The following GOLGA4 variants were observed in gnomAD, a reference collection of about 807,000 sequenced individuals.
The protein encoded by GOLGA4 is golgin subfamily A member 4.
Under a neutral mutation model 265.9 loss-of-function variants are expected in GOLGA4, and 169 were observed. That is an observed-to-expected ratio of 0.64 (90% CI 0.56 to 0.72). GOLGA4 has a LOEUF of 0.72. Ranked by LOEUF, GOLGA4 falls within the 30% of genes least tolerant of loss-of-function variation. The pLI is 0.00. For missense variants in GOLGA4, 2,482 were observed against 2,483.4 expected (o/e 1.00, Z 0.01); for synonymous variants, 923 against 855.8 (o/e 1.08, Z -1.37).
chr3:37,258,069 GTA>G (rs201905438), intron 2 of GOLGA4, among the ~76,000 whole-genome samples: 1,345 of 48,102 alleles, frequency 0.028, 190 homozygotes, highest in Non-Finnish European at 0.04. Flanking sequence ...ATGTATATAT[GTA>G]TATATATATG....
At chr3:37,277,671 C>T (rs1182315150) in intron 2 of GOLGA4, among the ~76,000 whole-genome samples, 1 of 152,080 alleles carries the variant, frequency 6.6e-6, no homozygotes, top group Admixed American at 6.5e-5. Flanking sequence ...TAGCAAGTAG[C>T]TTTACAGTAC....
chr3:37,275,348 G>A (rs1649086082), intron 2 of GOLGA4, among the ~76,000 whole-genome samples: 1 of 151,990 alleles, frequency 6.6e-6, no homozygotes, highest in Admixed American at 6.6e-5. Flanking sequence ...GGCTGGTCAG[G>A]TTGTGGGAAC....
chr3:37,292,003 C>T (rs1345178824), intron 5 of GOLGA4, among the ~76,000 whole-genome samples: 4 of 152,076 alleles, frequency 2.6e-5, no homozygotes, highest in South Asian at 2.1e-4. Flanking sequence ...ACAAGCCTCA[C>T]TGGGCTAACA....
chr3:37,294,370 T>C (rs2150832498), intron 5 of GOLGA4, among the ~76,000 whole-genome samples: 1 of 150,136 alleles, frequency 6.7e-6, no homozygotes, highest in East Asian at 1.9e-4. Flanking sequence ...AGTTTTTCTT[T>C]TATCTTAAGT....
intron 2 of GOLGA4, among the ~76,000 whole-genome samples, chr3:37,261,661 AGAG>A (rs1264062251): frequency 6.6e-6 from 1 of 152,182 alleles, no homozygotes; most frequent in Non-Finnish European, 1.5e-5. Context: ...TGTTCTATAC[AGAG>A]GAGATTTTGT....
intron 21 of GOLGA4, among the ~76,000 whole-genome samples, chr3:37,348,623 G>T (rs1029229878): frequency 6.6e-6 from 1 of 152,094 alleles, no homozygotes; most frequent in Non-Finnish European, 1.5e-5. Context: ...ATTGTATTGG[G>T]GGTGGGGAGG....
At chr3:37,267,929 G>T (rs900512211) in intron 2 of GOLGA4, among the ~76,000 whole-genome samples, 1 of 152,168 alleles carries the variant, frequency 6.6e-6, no homozygotes, top group African/African-American at 2.4e-5. Context: ...CAGCTAGGGA[G>T]ATAATGGGAT....
At chr3:37,243,746 C>G in intron 1 of GOLGA4, 124 bp downstream of exon 1, 1 of 757,818 alleles carries the variant, frequency 1.3e-6, no homozygotes, top group Non-Finnish European at 2.2e-6. Flanking sequence ...GCACTTTTCC[C>G]AAACTCCGGA....
chr3:37,327,568 T>G lies in GOLGA4; in HGVS notation c.5682T>G (p.Asn1894Lys). 3 of 1,613,630 alleles carry G rather than the reference T, an allele frequency of 1.9e-6. No individual in the cohort carries two copies. The highest frequency in any genetic ancestry group is 2.5e-6 in the Non-Finnish European group (3 of 1,179,782). Residue 1894 changes from asparagine to lysine, a missense_variant, in exon 14 of 24, where the codon AAT becomes AAG. This residue lies in a region of GOLGA4 where 942 missense variants were observed against 983.1 expected (regional missense o/e 0.96). Transcript: ENST00000361924. ...CTTTACAACAGATGGATGGAAGAAA[T>G]AAACCCACAGAACTTTTGGAAGAAA... ...LQALQQMDGR[N>K]KPTELLEENT...
chr3:37,321,511 A>C, intron 12 of GOLGA4: 1 of 434,726 alleles, frequency 2.3e-6, no homozygotes. Context: ...TTATTGGAAC[A>C]AAATTTTTCA....
intron 17 of GOLGA4, 100 bp from the exon 18 acceptor site, chr3:37,337,043 C>T (rs1242537195): frequency 1.9e-5 from 15 of 777,038 alleles, no homozygotes; most frequent in Non-Finnish European, 3.0e-5. Context: ...AGACTCTTAA[C>T]CCTGACTTCC....
intron 23 of GOLGA4, among the ~76,000 whole-genome samples, chr3:37,363,388 G>A (rs1381517518): frequency 6.6e-6 from 1 of 152,086 alleles, no homozygotes; most frequent in Non-Finnish European, 1.5e-5. Flanking sequence ...TGTATATTGT[G>A]CAGCATTTCT....
At chr3:37,332,835 G>T (rs754995428) in intron 16 of GOLGA4, among the ~76,000 whole-genome samples, 1 of 151,598 alleles carries the variant, frequency 6.6e-6, no homozygotes, top group South Asian at 2.1e-4. Flanking sequence ...TTTCTATGTC[G>T]TTTTTTCACT....
Position 37,301,453 on chromosome 3 carries a change from A to G in GOLGA4, c.1087-732A>G, listed in dbSNP as rs1190627527. 4.6e-5 allele frequency among the ~76,000 whole-genome samples: 7 copies of G among 152,172 alleles called. 1 individual carries two copies. Among genetic ancestry groups the G allele is most frequent in the Non-Finnish European group, 1.0e-4 (7 of 68,034 alleles). Reference sequence around the variant, plus strand: ...TGGCAGCAGGCACCTTCCATTCTCAAGTGTCTGGGGTTATCCCCATGTTAT... The same window carrying G: ...TGGCAGCAGGCACCTTCCATTCTCAGGTGTCTGGGGTTATCCCCATGTTAT... On this transcript the variant is annotated intron_variant, in intron 9 of 23. Transcript: ENST00000361924.
At chr3:37,309,891 A>G (rs959089301) in intron 10 of GOLGA4, among the ~76,000 whole-genome samples, 4 of 152,376 alleles carry the variant, frequency 2.6e-5, no homozygotes, top group Non-Finnish European at 5.9e-5. Flanking sequence ...TTTGGACCAC[A>G]TATTGAGAAC....
In GOLGA4 at chr3:37,326,941, A is replaced by C; in HGVS notation, c.5055A>C (p.Glu1685Asp). Residue 1685 changes from glutamate to aspartate, a missense_variant, in exon 14 of 24, where the codon GAA becomes GAC. Glu to Asp is a conservative substitution (Grantham distance 45, BLOSUM62 2). Transcript: ENST00000361924. ...SELNTKLQER[E>D]REVHILEEKL... The stretch of plus-strand genomic sequence containing the variant: ...TAAATACAAAATTGCAGGAAAGAGA[A>C]AGGGAAGTTCACATCTTGGAAGAAA... The C allele has an allele frequency of 1.2e-6, 2 of 1,613,956 alleles. No homozygotes were observed. The highest frequency in any genetic ancestry group is 1.7e-6 in the Non-Finnish European group (2 of 1,179,838).
chr3:37,286,138 C>CGTTT, intron 4 of GOLGA4, 77 bp downstream of exon 4: 1 of 224,788 alleles, frequency 4.4e-6, no homozygotes, highest in East Asian at 1.2e-4. Context: ...ATATTTCTTT[C>CGTTT]TTTTTTTTTT....
At chr3:37,331,736 C>G (rs1331700876) in intron 16 of GOLGA4, among the ~76,000 whole-genome samples, 3 of 152,154 alleles carry the variant, frequency 2.0e-5, no homozygotes, top group African/African-American at 4.8e-5. Context: ...TTTCATTTTT[C>G]TACCTTGAAT....
chr3:37,256,953 T>C (rs897377807), intron 2 of GOLGA4, among the ~76,000 whole-genome samples: 1 of 152,130 alleles, frequency 6.6e-6, no homozygotes, highest in Non-Finnish European at 1.5e-5. Flanking sequence ...AAATTAACCA[T>C]TTAAAGCAAA....
Sources: allele counts gnomAD v4.1 joint callset (sites outside exome capture counted in the v4.1 genomes callset), GRCh38; gene constraint gnomAD v4.1.1; regional missense constraint gnomAD v4.1.1; transcripts MANE v1.5; gene names NCBI Gene and HGNC (gene_info 2026-07-23, HGNC 2026-07-21).